RARG: variants seen among roughly 807,000 people sequenced by gnomAD.
RARG encodes the protein retinoic acid receptor gamma, also known as RAR-gamma.
A neutral mutation model predicts 43.7 loss-of-function variants in RARG; 17 were observed. The ratio of observed to expected loss-of-function variants is 0.39; its 90% CI spans 0.27 to 0.58. The LOEUF (loss-of-function observed/expected upper bound fraction) is 0.58, where lower values mean the gene tolerates loss of function less well. Ranked by LOEUF, RARG falls within the 20% of genes least tolerant of loss-of-function variation. RARG has a pLI of 0.57. For missense variants in RARG, 346 were observed against 598.7 expected (o/e 0.58, Z 4.40); for synonymous variants, 238 against 236.4 (o/e 1.01, Z -0.06).
Position 53,213,340 on chromosome 12 carries a change from G to T in RARG, c.1019-97C>A. 1.3e-6 allele frequency: 2 copies of T among 1,488,650 alleles called. No individual in the cohort carries two copies. The highest frequency in any genetic ancestry group is 9.3e-7 in the Non-Finnish European group (1 of 1,079,564). The allele number at this position is 1,488,650 out of a possible 1,614,324, so 92.2% of individuals were successfully genotyped here. On this transcript the variant is annotated intron_variant, in intron 8 of 9. Coordinates refer to ENST00000425354, the MANE Select transcript of RARG (RefSeq NM_000966.6). The surrounding 1 kb of genome is among the most constrained non-coding windows in gnomAD (Gnocchi z 4.7). ...CACCAACCGGCGTTTTGGGAAGCCT[G>T]TACAGGGTTTCAGAACTCTCTGGAT...
intron 3 of RARG, among the ~76,000 whole-genome samples, chr12:53,225,254 G>A (rs1241351061): frequency 6.6e-6 from 1 of 152,162 alleles, no homozygotes; most frequent in Non-Finnish European, 1.5e-5. Flanking sequence ...AACCCCTGTT[G>A]GACTACAGAC....
In RARG at chr12:53,210,843, G is replaced by C. The variant is rs950389414; in HGVS notation, c.*833C>G. 6.6e-6 allele frequency: 1 copy of C among 152,478 alleles called. No individual in the cohort carries two copies. The highest frequency in any genetic ancestry group is 1.5e-5 in the Non-Finnish European group (1 of 67,960). 9.4% of individuals were successfully genotyped at this position (152,478 alleles called of 1,614,324 possible). ...AACAAAAGCTAATAAATAAATAGAG[G>C]CTTCCTCTGGGTCAGGGCGGGATCA... On this transcript the variant is annotated 3_prime_UTR_variant, in exon 10 of 10. Transcript: ENST00000425354.
rs766941668 is a variant in RARG at position 53,214,529 on chromosome 12, G to T, written c.553C>A (p.Gln185Lys). Residue 185 changes from glutamine (Q) to lysine (K), a missense_variant, in exon 6 of 10, where the codon CAG becomes AAG. By Grantham distance (53) the Gln-to-Lys change is moderately conservative. Around this residue, in one of 8 missense-constraint regions of RARG, gnomAD observed 67 missense variants for 79.6 expected, o/e 0.84. Transcript: ENST00000425354. Reference protein sequence around the residue: ...GSPDSYELSPQLEELITKVSK... With the variant: ...GSPDSYELSPKLEELITKVSK... ...ACCTTGGTGATGAGCTCTTCTAACT[G>T]AGGGCTCAGCTCATAGCTGTCAGGT... 6.8e-6 allele frequency: 11 copies of T among 1,613,834 alleles called. No homozygotes were observed. The highest frequency in any genetic ancestry group is 1.1e-5 in the South Asian group (1 of 91,080).
chr12:53,222,233 G>GAGAAAGAAAGAAAGAAAA (rs147773701), intron 3 of RARG, among the ~76,000 whole-genome samples: 1 of 149,686 alleles, frequency 6.7e-6, no homozygotes, highest in African/African-American at 2.5e-5. Flanking sequence ...AAGAAAGAGA[G>GAGAAAGAAAGAAAGAAAA]AGAAAGAAAA....
intron 3 of RARG, chr12:53,220,228 CTGCA>C: frequency 8.8e-7 from 1 of 1,138,018 alleles, no homozygotes; most frequent in Non-Finnish European, 1.2e-6. Flanking sequence ...GGGCGCTGGG[CTGCA>C]TGCGGGTAAG....
chr12:53,211,133 GC>G lies in RARG; in HGVS notation c.*542del. On this transcript the variant is annotated 3_prime_UTR_variant, in exon 10 of 10. Coordinates refer to ENST00000425354, the MANE Select transcript of RARG (RefSeq NM_000966.6). The surrounding 1 kb of genome is among the most constrained non-coding windows in gnomAD (Gnocchi z 4.6). The stretch of plus-strand genomic sequence containing the variant: ...TCTGTCCCTTTCACCCTCTGTTCCT[GC>G]CCCAGAAATGCAGGGCCCAGCCTGC... 6.5e-6 allele frequency: 1 copy of G among 153,026 alleles called. No homozygotes were observed. Among genetic ancestry groups the G allele is most frequent in the Non-Finnish European group, 1.5e-5 (1 of 68,272 alleles). 9.5% of individuals were successfully genotyped at this position (153,026 alleles called of 1,614,324 possible).
chr12:53,210,859 G>C lies in RARG; in HGVS notation c.*817C>G, dbSNP rs149413917. On this transcript the variant is annotated 3_prime_UTR_variant, in exon 10 of 10. Coordinates refer to ENST00000425354, the MANE Select transcript of RARG (RefSeq NM_000966.6). The stretch of plus-strand genomic sequence containing the variant: ...TAAATAGAGGCTTCCTCTGGGTCAG[G>C]GCGGGATCAGCTAAGCAGCATCCCC... The C allele has an allele frequency of 8.4e-3, 1,287 of 152,466 alleles. 12 individuals are homozygous for C. The highest frequency in any genetic ancestry group is 0.039 in the Admixed American group (589 of 15,238). 9.4% of individuals were successfully genotyped at this position (152,466 alleles called of 1,614,324 possible).
chr12:53,227,839 C>T lies in RARG; in HGVS notation c.-142-152G>A, dbSNP rs532605240. On this transcript the variant is annotated intron_variant, in intron 2 of 9. Coordinates refer to ENST00000425354, the MANE Select transcript of RARG (RefSeq NM_000966.6). This position sits in a 1 kb window ranked among gnomAD's most constrained non-coding sequence, Gnocchi z 4.3. ...GGCCCTTGCAGTGTGGTAGAGAGGG[C>T]ACGGCAGGGGGTTATGCAGGCTCTG... 6.6e-6 allele frequency among the ~76,000 whole-genome samples: 1 copy of T among 152,292 alleles called. No homozygotes were observed. The highest frequency in any genetic ancestry group is 2.1e-4 in the South Asian group (1 of 4,830).
chr12:53,219,178 C>T (rs969844019), intron 3 of RARG, among the ~76,000 whole-genome samples: 1 of 152,212 alleles, frequency 6.6e-6, no homozygotes, highest in Non-Finnish European at 1.5e-5. Flanking sequence ...ACAGACTTTG[C>T]TTTAAACTTT....
At chr12:53,220,245 G>T in intron 3 of RARG, 1 of 1,491,618 alleles carries the variant, frequency 6.7e-7, no homozygotes, top group Non-Finnish European at 9.0e-7. Context: ...CGGGTAAGGG[G>T]TGGGCGGGGA....
chr12:53,220,151 A>C, intron 3 of RARG: 1 of 1,539,984 alleles, frequency 6.5e-7, no homozygotes, highest in Admixed American at 2.0e-5. Flanking sequence ...AAGGACCCGC[A>C]GCCGATTCCC....
At chr12:53,223,648 G>T (rs986586139) in intron 3 of RARG, among the ~76,000 whole-genome samples, 1 of 152,278 alleles carries the variant, frequency 6.6e-6, no homozygotes, top group African/African-American at 2.4e-5. Flanking sequence ...GTCGACTGGG[G>T]TTTTTTCCTG....
chr12:53,224,052 C>T (rs1943050226), intron 3 of RARG, among the ~76,000 whole-genome samples: 1 of 152,174 alleles, frequency 6.6e-6, no homozygotes, highest in Non-Finnish European at 1.5e-5. Context: ...CTAAGATTCA[C>T]AAACATAGAG....
intron 2 of RARG, among the ~76,000 whole-genome samples, chr12:53,230,431 T>C (rs930763082): frequency 2.0e-5 from 3 of 152,000 alleles, no homozygotes; most frequent in African/African-American, 7.3e-5. Context: ...CCCTCCCCTC[T>C]GTATAAACAC....
chr12:53,217,985 A>C (rs1421713245), intron 3 of RARG, among the ~76,000 whole-genome samples: 1 of 152,116 alleles, frequency 6.6e-6, no homozygotes, highest in Non-Finnish European at 1.5e-5. Context: ...GCATATTACA[A>C]TGGGATCCTA....
chr12:53,221,656 G>T (rs1942966439), intron 3 of RARG, among the ~76,000 whole-genome samples: 2 of 152,092 alleles, frequency 1.3e-5, no homozygotes, highest in African/African-American at 4.8e-5. Context: ...TCAGAAGTTT[G>T]CCCTGGCCCG....
chr12:53,215,570 A>G lies in RARG; in HGVS notation c.333+76T>C. On this transcript the variant is annotated intron_variant, in intron 4 of 9. Transcript: ENST00000425354. The surrounding 1 kb of genome is among the most constrained non-coding windows in gnomAD (Gnocchi z 6.4). ...GTGCAAAGCAGTGCTGCTCAGACAC[A>G]GCATCTGTGTGCCTGGTCTCTCATC... is the stretch of plus-strand genomic sequence containing the variant. The G allele has an allele frequency of 1.3e-6, 2 of 1,584,634 alleles. No individual in the cohort carries two copies. Among genetic ancestry groups the G allele is most frequent in the South Asian group, 2.3e-5 (2 of 87,260 alleles).
chr12:53,215,474 T>C lies in RARG; in HGVS notation c.334-40A>G. On this transcript the variant is annotated intron_variant, in intron 4 of 9. Coordinates refer to ENST00000425354, the MANE Select transcript of RARG (RefSeq NM_000966.6). This position sits in a 1 kb window ranked among gnomAD's most constrained non-coding sequence, Gnocchi z 6.4. Reference sequence around the variant, plus strand: ...AAGAGAGAGGGCCTCTGAAGCACAATGCTGGGAGTACCAGCCTCTCACTGG... The same window carrying C: ...AAGAGAGAGGGCCTCTGAAGCACAACGCTGGGAGTACCAGCCTCTCACTGG... The C allele has an allele frequency of 1.2e-6, 2 of 1,612,564 alleles. No homozygotes were observed. Among genetic ancestry groups the C allele is most frequent in the South Asian group, 1.1e-5 (1 of 91,034 alleles).
At position 53,229,521 on chromosome 12, in the gene RARG, CAA is replaced by C. The variant is rs1943182668; in HGVS notation, c.-143+1646_-143+1647del. ...GCACCACCCATACACCCAGCACCCT[CAA>C]ACTCTTTAGCCCAGTGTCTTCGCAG... On this transcript the variant is annotated intron_variant, in intron 2 of 9. Coordinates refer to ENST00000425354, the MANE Select transcript of RARG (RefSeq NM_000966.6). Among the ~76,000 whole-genome samples, 2 of 152,320 alleles carry C rather than the reference CAA, an allele frequency of 1.3e-5. 1 individual carries two copies. The highest frequency in any genetic ancestry group is 4.1e-4 in the South Asian group (2 of 4,824).
Sources: allele counts gnomAD v4.1 joint callset (sites outside exome capture counted in the v4.1 genomes callset), GRCh38; gene constraint gnomAD v4.1.1; regional missense constraint gnomAD v4.1.1; non-coding constraint Gnocchi (gnomAD v3.1); transcripts MANE v1.5; gene names NCBI Gene and HGNC (gene_info 2026-07-23, HGNC 2026-07-21).